Variants in ABCB5 observed in about 807,000 individuals in gnomAD.
ABCB5 encodes the protein ATP-binding cassette sub-family B member 5.
ABCB5 carries 155 observed loss-of-function variants against 144.2 expected under a neutral mutation model. The observed-to-expected ratio is 1.08, with a 90% confidence interval of 0.94 to 1.23. The LOEUF is 1.23. Among genes scored for constraint, ABCB5 ranks in the 50% most tolerant of loss-of-function variants. The pLI is 0.00. For synonymous variants in ABCB5, 610 were observed against 528.6 expected (o/e 1.15, Z -2.11); for missense variants, 1,830 against 1,520.8 (o/e 1.20, Z -3.38).
chr7:20,623,628 G>A (rs1264349109), intron 2 of ABCB5, among the ~76,000 whole-genome samples: 2 of 152,076 alleles, frequency 1.3e-5, no homozygotes, highest in African/African-American at 4.8e-5. Flanking sequence ...CCATTATACA[G>A]AAGAAAGGCA....
chr7:20,668,676 TGAG>T (rs1238304345), intron 14 of ABCB5, among the ~76,000 whole-genome samples: 1 of 135,356 alleles, frequency 7.4e-6, no homozygotes, highest in Non-Finnish European at 1.5e-5. Flanking sequence ...TACTGGGAAG[TGAG>T]GAGCCCCTCT....
chr7:20,723,276 T>G, intron 21 of ABCB5, 57 bp downstream of exon 21: 1 of 1,524,810 alleles, frequency 6.6e-7, no homozygotes, highest in Non-Finnish European at 9.0e-7. Context: ...CAGTCAGAAC[T>G]TTATGATATG....
rs548102017 is a variant in ABCB5 at position 20,719,869 on chromosome 7, T to C, written c.2422-3147T>C. On this transcript the variant is annotated intron_variant, in intron 20 of 27. Transcript: ENST00000404938. Reference sequence around the variant, plus strand: ...CAATGTTGACTTGGAATTGGAGGTATTGATATGACTCATGAGTTTCAAGAA... The same window carrying C: ...CAATGTTGACTTGGAATTGGAGGTACTGATATGACTCATGAGTTTCAAGAA... Among the ~76,000 whole-genome samples the C allele has an allele frequency of 1.5e-3, 231 of 152,148 alleles. 2 individuals are homozygous for C. Among genetic ancestry groups the C allele is most frequent in the Non-Finnish European group, 2.7e-3 (186 of 68,032 alleles).
At chr7:20,723,884 T>A (rs1781950599) in intron 21 of ABCB5, among the ~76,000 whole-genome samples, 2 of 152,190 alleles carry the variant, frequency 1.3e-5, no homozygotes, top group African/African-American at 4.8e-5. Flanking sequence ...ATTTAATCAT[T>A]TGGAAAATGC....
At chr7:20,718,643 T>C (rs999953566) in intron 20 of ABCB5, among the ~76,000 whole-genome samples, 1 of 152,206 alleles carries the variant, frequency 6.6e-6, no homozygotes, top group Non-Finnish European at 1.5e-5. Flanking sequence ...ATGGTTATTT[T>C]TTAATGAAGA....
chr7:20,664,194 T>C (rs889648587), intron 14 of ABCB5, among the ~76,000 whole-genome samples: 1 of 152,198 alleles, frequency 6.6e-6, no homozygotes, highest in African/African-American at 2.4e-5. Context: ...GTAAATTCTG[T>C]ATTATGCATA....
At position 20,678,163 on chromosome 7, in the gene ABCB5, T is replaced by C. The variant is rs866014409; in HGVS notation, c.1708-3342T>C. 6.6e-5 allele frequency among the ~76,000 whole-genome samples: 10 copies of C among 152,322 alleles called. No individual in the cohort carries two copies. In the Middle Eastern group the frequency reaches 0.01, roughly 155 times the overall value. ...ACATAGGTGTCTTTTTTATGGGAAA[T>C]TTTTTTAAAACATAATTATAATAGG... On this transcript the variant is annotated intron_variant, in intron 14 of 27. Transcript: ENST00000404938.
At chr7:20,620,545 T>TA (rs146936420) in intron 1 of ABCB5, among the ~76,000 whole-genome samples, 7,139 of 150,890 alleles carry the variant, frequency 0.047, 527 homozygotes, top group African/African-American at 0.15. Flanking sequence ...CAACTTACTA[T>TA]AAAAAAAAAC....
Position 20,681,540 on chromosome 7 carries a change from C to A in ABCB5, c.1743C>A (p.His581Gln). Residue 581 changes from histidine (H) to glutamine (Q), a missense_variant, in exon 15 of 28, where the codon CAC (histidine) becomes CAA (glutamine). Physicochemically the swap from His to Gln is conservative, Grantham distance 24 (BLOSUM62 0). Transcript: ENST00000404938. ...GTCGGACTACAATCGTGGTAGCACA[C>A]CGACTTTCTACTATTCGAAGTGCAG... is the stretch of plus-strand genomic sequence containing the variant. ...SKGRTTIVVA[H>Q]RLSTIRSADL... 2 of 1,614,162 alleles carry A rather than the reference C, an allele frequency of 1.2e-6. No homozygotes were observed. The highest frequency in any genetic ancestry group is 1.7e-6 in the Non-Finnish European group (2 of 1,180,038).
chr7:20,679,736 T>C (rs187370320), intron 14 of ABCB5, among the ~76,000 whole-genome samples: 73 of 152,308 alleles, frequency 4.8e-4, no homozygotes, highest in African/African-American at 1.7e-3. Flanking sequence ...AAAAATATGA[T>C]AGTTCTCACC....
intron 23 of ABCB5, 136 bp downstream of exon 23, chr7:20,728,591 T>C (rs1782113276): frequency 2.9e-6 from 3 of 1,042,670 alleles, no homozygotes; most frequent in Non-Finnish European, 3.9e-6. Flanking sequence ...CCATCTCTAC[T>C]AAAAATACAA....
intron 13 of ABCB5, among the ~76,000 whole-genome samples, chr7:20,657,042 C>A (rs951130903): frequency 6.6e-6 from 1 of 151,610 alleles, no homozygotes; most frequent in Non-Finnish European, 1.5e-5. Context: ...CCACCTCAGC[C>A]TCCTGAGTAG....
In ABCB5 at chr7:20,642,545, T is replaced by C. The variant is rs1408452840; in HGVS notation, c.315-639T>C. ...AAACCTATTTTTTTTTCTCCTTGTGTATTGTCTGCCTCCTGCCAGAATTGG... is the reference window on the plus strand; with the variant it reads ...AAACCTATTTTTTTTTCTCCTTGTGCATTGTCTGCCTCCTGCCAGAATTGG... On this transcript the variant is annotated intron_variant, in intron 5 of 27. Transcript: ENST00000404938. Among the ~76,000 whole-genome samples the C allele has an allele frequency of 2.6e-5, 4 of 152,336 alleles. No homozygotes were observed. In the East Asian group the frequency reaches 7.7e-4, roughly 29 times the overall value.
At chr7:20,647,834 T>A in intron 10 of ABCB5, 134 bp from the exon 11 acceptor site, 1 of 1,120,096 alleles carries the variant, frequency 8.9e-7, no homozygotes, top group Non-Finnish European at 1.3e-6. Context: ...GAAACCTTCA[T>A]GTCTAACTCA....
intron 24 of ABCB5, 98 bp from the exon 25 acceptor site, chr7:20,742,779 A>AAC (rs1782601461): frequency 1.1e-5 from 13 of 1,210,946 alleles, no homozygotes; most frequent in Non-Finnish European, 1.5e-5. Flanking sequence ...GGGCTCTGGA[A>AAC]ACATGCACAA....
intron 1 of ABCB5, among the ~76,000 whole-genome samples, chr7:20,618,764 CTTTTTTTTTTTTTTT>C (rs59970398): frequency 7.8e-5 from 4 of 51,544 alleles, no homozygotes; most frequent in Non-Finnish European, 1.0e-4. Context: ...GCTGCATTTT[CTTTTTTTTTTTTTTT>C]TTTTTTTTTT....
chr7:20,680,254 A>C (rs1456366078), intron 14 of ABCB5, among the ~76,000 whole-genome samples: 1 of 152,132 alleles, frequency 6.6e-6, no homozygotes, highest in African/African-American at 2.4e-5. Context: ...CCCTTGGTAT[A>C]GGTGAGTGCT....
chr7:20,664,860 T>C (rs1471068309), intron 14 of ABCB5, among the ~76,000 whole-genome samples: 1 of 152,112 alleles, frequency 6.6e-6, no homozygotes, highest in Admixed American at 6.5e-5. Context: ...GAGGCTACAG[T>C]GGGAGAATCA....
chr7:20,743,507 G>C (rs751146660), intron 25 of ABCB5, among the ~76,000 whole-genome samples: 2 of 152,102 alleles, frequency 1.3e-5, no homozygotes, highest in Non-Finnish European at 2.9e-5. Context: ...GCACGGTTAA[G>C]GCTTATTGGA....
Sources: gnomAD v4.1 joint callset for allele counts (sites outside exome capture counted in the v4.1 genomes callset) on GRCh38, gnomAD v4.1.1 for gene constraint, MANE v1.5 for transcripts, NCBI Gene and HGNC (gene_info 2026-07-23, HGNC 2026-07-21) for gene names.